Variants in OR1J2 observed in about 807,000 individuals in gnomAD.
OR1J2 encodes olfactory receptor 1J2.
For synonymous variants in OR1J2, 142 were observed against 99.7 expected (o/e 1.42, Z -2.52); for missense variants, 304 against 246.1 (o/e 1.24, Z -1.57).
At chr9:122,553,906 C>T in the OR1J2 span, 1 of 1,614,032 alleles carries the variant, frequency 6.2e-7, no homozygotes, top group Non-Finnish European at 8.5e-7. Context: ...TTTGTCATCT[C>T]ATCTCCTGGA....
chr9:122,449,401 G>A, the OR1J2 span, among the ~76,000 whole-genome samples: 22 of 152,062 alleles, frequency 1.4e-4, no homozygotes, highest in East Asian at 7.8e-4. Flanking sequence ...ACAGAGTCTC[G>A]CTCTGTCGCC....
the OR1J2 span, among the ~76,000 whole-genome samples, chr9:122,542,580 C>T: frequency 2.6e-5 from 4 of 151,868 alleles, no homozygotes; most frequent in Non-Finnish European, 5.9e-5. Context: ...ATTCCTATAC[C>T]GCCCACCTAG....
At chr9:122,459,246 A>G in the OR1J2 span, among the ~76,000 whole-genome samples, 437 of 152,312 alleles carry the variant, frequency 2.9e-3, 2 homozygotes, top group African/African-American at 0.01. Flanking sequence ...TGGTGCTGCA[A>G]TAAACATGGG....
the OR1J2 span, among the ~76,000 whole-genome samples, chr9:122,575,016 G>C: frequency 6.6e-6 from 1 of 152,082 alleles, no homozygotes; most frequent in Non-Finnish European, 1.5e-5. Context: ...ATTTTGGAAT[G>C]TTGAACCAGG....
chr9:122,481,825 C>G, the OR1J2 span, among the ~76,000 whole-genome samples: 40,609 of 151,990 alleles, frequency 0.27, 5,852 homozygotes, highest in African/African-American at 0.36. Flanking sequence ...AACAATGAAG[C>G]TAGACCCCTA....
At chr9:122,547,119 TA>T in the OR1J2 span, among the ~76,000 whole-genome samples, 10 of 151,138 alleles carry the variant, frequency 6.6e-5, no homozygotes, top group Non-Finnish European at 1.5e-4. Context: ...GTGAGCCACA[TA>T]AAAAAATAAT....
the OR1J2 span, among the ~76,000 whole-genome samples, chr9:122,556,519 G>A: frequency 6.6e-6 from 1 of 152,050 alleles, no homozygotes; most frequent in Non-Finnish European, 1.5e-5. Context: ...GCCTGTTGGG[G>A]GTTAGGGGAC....
chr9:122,489,006 C>A, the OR1J2 span, among the ~76,000 whole-genome samples: 1 of 150,944 alleles, frequency 6.6e-6, no homozygotes, highest in Non-Finnish European at 1.5e-5. Context: ...CTCCCCTAAC[C>A]CCCCCACCCA....
At chr9:122,567,435 C>T in the OR1J2 span, 1 of 749,588 alleles carries the variant, frequency 1.3e-6, no homozygotes, top group Non-Finnish European at 2.2e-6. Flanking sequence ...AGCCTTGTCT[C>T]ACATGGGTCA....
In OR1J2 at chr9:122,511,114, A is replaced by T. The variant is rs773220314; in HGVS notation, c.313A>T (p.Ile105Leu). ...ATGCATTTCTCAGATGTATTTTTTTATATTTTTTACTGACCTGGACAGCTT... is the reference window on the plus strand; with the variant it reads ...ATGCATTTCTCAGATGTATTTTTTTTTATTTTTTACTGACCTGGACAGCTT... ...EECISQMYFF[I>L]FFTDLDSFLI... Residue 105 changes from isoleucine to leucine, a missense_variant, in exon 1 of 1, where the codon ATA becomes TTA. Ile to Leu is a conservative substitution (Grantham distance 5, BLOSUM62 2). Transcript: ENST00000335302. 17 of 974,628 alleles carry T rather than the reference A, an allele frequency of 1.7e-5. No homozygotes were observed. The highest frequency in any genetic ancestry group is 4.8e-5 in the East Asian group (2 of 41,774). The allele number at this position is 974,628 out of a possible 1,614,324, so 60.4% of individuals were successfully genotyped here. A position where few individuals can be genotyped will look rare whatever the true frequency, so the allele number is the denominator to read the frequency against.
the OR1J2 span, chr9:122,477,813 C>T: frequency 3.0e-5 from 48 of 1,613,804 alleles, no homozygotes; most frequent in Middle Eastern, 6.7e-4. Flanking sequence ...TCCCCAGCAC[C>T]GTGGTCAGGT....
chr9:122,534,282 G>C, the OR1J2 span, among the ~76,000 whole-genome samples: 1 of 152,126 alleles, frequency 6.6e-6, no homozygotes, highest in African/African-American at 2.4e-5. Flanking sequence ...TTAATTTTTG[G>C]AGTTTTATTT....
the OR1J2 span, among the ~76,000 whole-genome samples, chr9:122,467,261 T>A: frequency 3.3e-5 from 5 of 152,216 alleles, no homozygotes; most frequent in Non-Finnish European, 7.3e-5. Context: ...CACTGACTAC[T>A]TTTGTTTCAC....
chr9:122,458,757 C>T, the OR1J2 span, among the ~76,000 whole-genome samples: 2 of 152,140 alleles, frequency 1.3e-5, no homozygotes, highest in Admixed American at 6.5e-5. Flanking sequence ...ACAGCCAAAC[C>T]ATATCATGGG....
chr9:122,487,879 A>G, the OR1J2 span, among the ~76,000 whole-genome samples: 1 of 151,942 alleles, frequency 6.6e-6, no homozygotes, highest in Non-Finnish European at 1.5e-5. Context: ...TTATGTACAG[A>G]TTTTTTTTAT....
chr9:122,546,849 G>A, the OR1J2 span, among the ~76,000 whole-genome samples: 4 of 152,168 alleles, frequency 2.6e-5, no homozygotes, highest in African/African-American at 4.8e-5. Flanking sequence ...ATAATTGTAT[G>A]TATTCGGGGG....
the OR1J2 span, chr9:122,526,499 A>G: frequency 1.3e-5 from 20 of 1,586,164 alleles, no homozygotes; most frequent in Non-Finnish European, 1.5e-5. Context: ...CCTTCTCTTC[A>G]GAGGCAATGG....
chr9:122,539,386 T>C, the OR1J2 span, among the ~76,000 whole-genome samples: 1 of 152,096 alleles, frequency 6.6e-6, no homozygotes, highest in African/African-American at 2.4e-5. Context: ...GTCCTTGTGA[T>C]AGTTTGCTGA....
At chr9:122,462,317 C>T in the OR1J2 span, among the ~76,000 whole-genome samples, 1 of 152,022 alleles carries the variant, frequency 6.6e-6, no homozygotes, top group Non-Finnish European at 1.5e-5. Flanking sequence ...CCTTATGTGA[C>T]GGATGAGTCT....
Sources: allele counts gnomAD v4.1 joint callset (sites outside exome capture counted in the v4.1 genomes callset), GRCh38; gene constraint gnomAD v4.1.1; transcripts MANE v1.5; gene names NCBI Gene and HGNC (gene_info 2026-07-23, HGNC 2026-07-21).